Variants in LHPP observed in about 807,000 individuals in gnomAD.
LHPP encodes the protein phospholysine phosphohistidine inorganic pyrophosphate phosphatase, also known as hLHPP.
A neutral mutation model predicts 30.3 loss-of-function variants in LHPP; 24 were observed. The observed-to-expected ratio is 0.79, with a 90% CI of 0.57 to 1.11. The LOEUF (loss-of-function observed/expected upper bound fraction) is 1.11, where lower values mean the gene tolerates loss of function less well. LHPP is among the 50% of genes most tolerant of loss of function. The pLI is 0.00. For missense variants in LHPP, 356 were observed against 367.2 expected, an observed-to-expected ratio of 0.97 and a Z score of 0.25; for synonymous variants, 150 against 157.1, an observed-to-expected ratio of 0.95 and a Z score of 0.34.
intron 5 of LHPP, among the ~76,000 whole-genome samples, chr10:124,504,613 T>G (rs1475284141): frequency 7.8e-5 from 9 of 115,370 alleles, no homozygotes; most frequent in South Asian, 2.8e-4. Flanking sequence ...AAAAAAAAAA[T>G]AGGAAAGCAA....
rs1170457686 is a variant in LHPP at position 124,576,380 on chromosome 10, A to AC, written c.717-36878dup. Among the ~76,000 whole-genome samples the AC allele has an allele frequency of 4.7e-5, 7 of 148,632 alleles. No homozygotes were observed. Among genetic ancestry groups the AC allele is most frequent in the Non-Finnish European group, 4.5e-5 (3 of 66,980 alleles). ...CCCCACTTCAGGGGTTGCCCCCAGG[A>AC]CCCCCCTTGCGGTACCCGTATATCC... On this transcript the variant is annotated intron_variant, in intron 6 of 6. Coordinates refer to ENST00000368842, the MANE Select transcript of LHPP (RefSeq NM_022126.4). The surrounding 1 kb of genome is among the most constrained non-coding windows in gnomAD (Gnocchi z 4.2).
At chr10:124,469,906 G>A (rs1234780295) in intron 1 of LHPP, among the ~76,000 whole-genome samples, 2 of 152,146 alleles carry the variant, frequency 1.3e-5, no homozygotes, top group African/African-American at 4.8e-5. Flanking sequence ...TGGGATTGGA[G>A]GATGCTGAGC....
intron 1 of LHPP, among the ~76,000 whole-genome samples, chr10:124,477,403 G>A (rs75270736): frequency 4.2e-4 from 64 of 152,322 alleles, no homozygotes; most frequent in Non-Finnish European, 6.3e-4. Flanking sequence ...CACACCAGGT[G>A]ATGTCTGCAA....
chr10:124,599,769 G>A (rs1948997958), intron 6 of LHPP, among the ~76,000 whole-genome samples: 1 of 152,242 alleles, frequency 6.6e-6, no homozygotes, highest in Non-Finnish European at 1.5e-5. Context: ...CAGGAGCTGC[G>A]TCTGCACTGT....
At chr10:124,582,734 G>T (rs1948757999) in intron 6 of LHPP, among the ~76,000 whole-genome samples, 1 of 152,122 alleles carries the variant, frequency 6.6e-6, no homozygotes, top group Admixed American at 6.5e-5. Flanking sequence ...GCTGGGTGTG[G>T]TGGCTCACAC....
At chr10:124,580,181 G>C (rs1343020989) in intron 6 of LHPP, among the ~76,000 whole-genome samples, 2 of 152,054 alleles carry the variant, frequency 1.3e-5, no homozygotes, top group Non-Finnish European at 2.9e-5. Flanking sequence ...AGTTATATGT[G>C]GTGCACACAT....
chr10:124,465,902 T>G (rs1220609530), intron 1 of LHPP, among the ~76,000 whole-genome samples: 1 of 152,230 alleles, frequency 6.6e-6, no homozygotes, highest in Non-Finnish European at 1.5e-5. Flanking sequence ...CTGCCCTGTT[T>G]CATCAATTTG....
At chr10:124,579,146 C>T (rs1322942848) in intron 6 of LHPP, among the ~76,000 whole-genome samples, 1 of 152,182 alleles carries the variant, frequency 6.6e-6, no homozygotes, top group East Asian at 1.9e-4. Context: ...ATCTCATATT[C>T]CCCAGAGGAG....
At chr10:124,606,563 C>G (rs916600116) in intron 6 of LHPP, among the ~76,000 whole-genome samples, 1 of 152,252 alleles carries the variant, frequency 6.6e-6, no homozygotes, top group Non-Finnish European at 1.5e-5. Context: ...CGTGTGCAGT[C>G]TTGCCTCTTT....
rs1281818839 is a variant in LHPP, at chr10:124,502,956, C to T, written c.624+4828C>T. 4.6e-5 allele frequency among the ~76,000 whole-genome samples: 7 copies of T among 151,700 alleles called. 1 individual carries two copies. The highest frequency in any genetic ancestry group is 7.4e-5 in the Non-Finnish European group (5 of 68,018). ...CCTCCCAAAGTGCTGGGATTACAAGCGTGAGCCACTGCATCCAACCCTAAT... is the reference window on the plus strand; with the variant it reads ...CCTCCCAAAGTGCTGGGATTACAAGTGTGAGCCACTGCATCCAACCCTAAT... On this transcript the variant is annotated intron_variant, in intron 5 of 6. Transcript: ENST00000368842.
At chr10:124,599,175 C>T (rs1483593789) in intron 6 of LHPP, among the ~76,000 whole-genome samples, 4 of 151,888 alleles carry the variant, frequency 2.6e-5, no homozygotes, top group Non-Finnish European at 4.4e-5. Context: ...CACCCATCCA[C>T]TCATCCCACC....
intron 1 of LHPP, among the ~76,000 whole-genome samples, chr10:124,468,142 A>G (rs957150713): frequency 6.6e-6 from 1 of 152,190 alleles, no homozygotes; most frequent in Non-Finnish European, 1.5e-5. Context: ...CCCACGTGAT[A>G]TAGAACTGTC....
intron 6 of LHPP, among the ~76,000 whole-genome samples, chr10:124,606,768 G>GC (rs748913007): frequency 6.6e-6 from 1 of 152,196 alleles, no homozygotes; most frequent in Non-Finnish European, 1.5e-5. Context: ...CCCACGGGGA[G>GC]CCGTCAGCCA....
chr10:124,586,338 G>A (rs1006529330), intron 6 of LHPP, among the ~76,000 whole-genome samples: 7 of 152,328 alleles, frequency 4.6e-5, no homozygotes, highest in Non-Finnish European at 1.0e-4. Flanking sequence ...GGGTGGGGCC[G>A]GTGCAGAGAA....
chr10:124,588,768 C>T (rs1433470341), intron 6 of LHPP, among the ~76,000 whole-genome samples: 3 of 152,194 alleles, frequency 2.0e-5, no homozygotes. Flanking sequence ...CCAACACTGC[C>T]TTCCAAGGGA....
At chr10:124,468,738 C>A (rs1184456665) in intron 1 of LHPP, among the ~76,000 whole-genome samples, 1 of 152,216 alleles carries the variant, frequency 6.6e-6, no homozygotes, top group Non-Finnish European at 1.5e-5. Flanking sequence ...GCAGGGCCCC[C>A]TTCAGCCTTT....
intron 6 of LHPP, among the ~76,000 whole-genome samples, chr10:124,551,309 C>G (rs1257537660): frequency 6.6e-6 from 1 of 152,192 alleles, no homozygotes; most frequent in Admixed American, 6.5e-5. Flanking sequence ...TGGGCACCCC[C>G]AGGGCTCTGG....
rs1192797374 is a variant in LHPP, at chr10:124,484,512, C to T, written c.313+186C>T. Among the ~76,000 whole-genome samples the T allele has an allele frequency of 2.0e-5, 3 of 151,892 alleles. No homozygotes were observed. The East Asian group carries it at 5.8e-4, about 29-fold the overall frequency. On this transcript the variant is annotated intron_variant, in intron 2 of 6. Transcript: ENST00000368842. ...GGGCTGGGGGCAGGTTAGGACCCAGCTCTGTCCATTCCTTGGCCTCACACC... is the reference window on the plus strand; with the variant it reads ...GGGCTGGGGGCAGGTTAGGACCCAGTTCTGTCCATTCCTTGGCCTCACACC...
chr10:124,553,361 T>G (rs1339412756), intron 6 of LHPP, among the ~76,000 whole-genome samples: 1 of 151,394 alleles, frequency 6.6e-6, no homozygotes, highest in African/African-American at 2.4e-5. Context: ...CCCCTGCACC[T>G]GCAGCCAGGA....
Sources: gnomAD v4.1 joint callset for allele counts (sites outside exome capture counted in the v4.1 genomes callset) on GRCh38, gnomAD v4.1.1 for gene constraint, Gnocchi (gnomAD v3.1) non-coding constraint, MANE v1.5 for transcripts, NCBI Gene and HGNC (gene_info 2026-07-23, HGNC 2026-07-21) for gene names.